Variants in LEPR observed in about 807,000 individuals in gnomAD.
LEPR encodes the protein leptin receptor, also known as OB receptor.
In LEPR, 56 loss-of-function variants were observed where a neutral mutation model predicts 114.7. The observed-to-expected ratio is 0.49, with a 90% CI of 0.39 to 0.61. The LOEUF (loss-of-function observed/expected upper bound fraction) is 0.61. Among genes scored for constraint, LEPR ranks in the 20% least tolerant of loss-of-function variants. The pLI is 0.00. For missense variants in LEPR, 1,202 were observed against 1,352.9 expected, an observed-to-expected ratio of 0.89 and a Z score of 1.75; for synonymous variants, 443 against 461.4, an observed-to-expected ratio of 0.96 and a Z score of 0.51.
intron 2 of LEPR, among the ~76,000 whole-genome samples, chr1:65,496,106 A>T (rs1384994744): frequency 1.3e-5 from 2 of 152,210 alleles, no homozygotes; most frequent in Non-Finnish European, 2.9e-5. Flanking sequence ...TATCACAATT[A>T]CCCTGATATG....
chr1:65,448,153 G>A lies in LEPR; in HGVS notation c.-21+22775G>A, dbSNP rs536469113. On this transcript the variant is annotated intron_variant, in intron 2 of 19. Transcript: ENST00000349533. ...ATCATTAAGTATGATGTTAGCTGCA[G>A]GTTTTTTGTAGACATTCTTTATGAA... 2.8e-4 allele frequency among the ~76,000 whole-genome samples: 43 copies of A among 152,196 alleles called. No individual in the cohort carries two copies. In the South Asian group the frequency reaches 3.7e-3, roughly 13 times the overall value.
intron 17 of LEPR, among the ~76,000 whole-genome samples, chr1:65,620,405 GAT>G (rs367972140): frequency 3.3e-5 from 5 of 152,148 alleles, no homozygotes; most frequent in African/African-American, 1.2e-4. Flanking sequence ...TTATCCAACA[GAT>G]ATTAATTGAG....
In LEPR at chr1:65,515,617, T is replaced by C. The variant is rs191513379; in HGVS notation, c.-20-49929T>C. The stretch of plus-strand genomic sequence containing the variant: ...TAAACTTTCTTGTTATTAGTATTTG[T>C]TTTTCTCAATTTATGGCTTGACAAT... On this transcript the variant is annotated intron_variant, in intron 2 of 19. Transcript: ENST00000349533. 2.0e-5 allele frequency among the ~76,000 whole-genome samples: 3 copies of C among 152,350 alleles called. No individual in the cohort carries two copies. The East Asian group carries it at 5.8e-4, about 29-fold the overall frequency.
chr1:65,433,074 C>A, intron 2 of LEPR: 1 of 985,346 alleles, frequency 1.0e-6, no homozygotes, highest in Non-Finnish European at 1.2e-6. Flanking sequence ...GGGCTCGAGC[C>A]AGCCCCTGCG....
intron 19 of LEPR, among the ~76,000 whole-genome samples, chr1:65,625,474 C>T (rs972203032): frequency 3.0e-4 from 45 of 152,172 alleles, no homozygotes; most frequent in African/African-American, 1.1e-3. Context: ...ATACATTTAT[C>T]ATGGAAATAG....
chr1:65,539,227 A>G (rs1651006093), intron 2 of LEPR, among the ~76,000 whole-genome samples: 2 of 148,866 alleles, frequency 1.3e-5, no homozygotes, highest in South Asian at 4.3e-4. Context: ...GTCTCTGCCA[A>G]TACTCATTAA....
At chr1:65,582,164 A>G (rs774412169) in intron 5 of LEPR, among the ~76,000 whole-genome samples, 1 of 152,226 alleles carries the variant, frequency 6.6e-6, no homozygotes, top group Non-Finnish European at 1.5e-5. Flanking sequence ...ATGTCATATA[A>G]TAAATTAACC....
chr1:65,551,319 A>C (rs1396679805), intron 2 of LEPR, among the ~76,000 whole-genome samples: 2 of 152,112 alleles, frequency 1.3e-5, no homozygotes, highest in African/African-American at 2.4e-5. Flanking sequence ...CCTCTGGTAG[A>C]ATTCGGCTGT....
intron 5 of LEPR, among the ~76,000 whole-genome samples, chr1:65,586,377 A>G (rs1298273616): frequency 1.3e-5 from 2 of 152,028 alleles, no homozygotes; most frequent in Non-Finnish European, 2.9e-5. Flanking sequence ...TCCTTTGCCC[A>G]TCAAATACCC....
chr1:65,476,301 C>T (rs1042894229), intron 2 of LEPR, among the ~76,000 whole-genome samples: 7 of 151,880 alleles, frequency 4.6e-5, no homozygotes, highest in African/African-American at 1.7e-4. Flanking sequence ...GAGGACACAT[C>T]TAAAATGAAC....
At chr1:65,620,447 T>C (rs1284342280) in intron 17 of LEPR, among the ~76,000 whole-genome samples, 1 of 152,222 alleles carries the variant, frequency 6.6e-6, no homozygotes, top group African/African-American at 2.4e-5. Flanking sequence ...GATTGAATAG[T>C]GAACATAAGT....
chr1:65,487,086 T>C (rs1438520209), intron 2 of LEPR, among the ~76,000 whole-genome samples: 2 of 152,190 alleles, frequency 1.3e-5, no homozygotes, highest in Non-Finnish European at 2.9e-5. Context: ...CCCAGATCTT[T>C]TCACACAAAC....
intron 2 of LEPR, among the ~76,000 whole-genome samples, chr1:65,507,074 C>G (rs1012035445): frequency 1.3e-5 from 2 of 151,778 alleles, no homozygotes; most frequent in African/African-American, 4.8e-5. Context: ...TTTTTGAGAC[C>G]AAGTCTTGCT....
intron 2 of LEPR, among the ~76,000 whole-genome samples, chr1:65,513,738 A>G (rs915987563): frequency 7.2e-5 from 11 of 152,246 alleles, no homozygotes; most frequent in African/African-American, 2.7e-4. Context: ...ATACTTCTCT[A>G]CAAAAACTTT....
At chr1:65,458,905 T>C (rs1646910861) in intron 2 of LEPR, among the ~76,000 whole-genome samples, 1 of 152,240 alleles carries the variant, frequency 6.6e-6, no homozygotes, top group African/African-American at 2.4e-5. Context: ...CTTTGCAATT[T>C]GGCAGTTTCT....
intron 2 of LEPR, among the ~76,000 whole-genome samples, chr1:65,478,647 T>TAAAAAC (rs1215978431): frequency 6.6e-6 from 1 of 152,090 alleles, no homozygotes; most frequent in Non-Finnish European, 1.5e-5. Flanking sequence ...TTCAGCTCAC[T>TAAAAAC]AAAAACAAAA....
intron 2 of LEPR, among the ~76,000 whole-genome samples, chr1:65,552,683 T>C (rs1652492544): frequency 6.6e-6 from 1 of 152,224 alleles, no homozygotes; most frequent in African/African-American, 2.4e-5. Flanking sequence ...TGGCAGTCTG[T>C]GTCTTTTAAT....
intron 2 of LEPR, among the ~76,000 whole-genome samples, chr1:65,483,145 A>C (rs538457980): frequency 1.3e-4 from 20 of 152,254 alleles, no homozygotes; most frequent in African/African-American, 4.6e-4. Flanking sequence ...TCTGTTCATC[A>C]GGAGACACTG....
intron 2 of LEPR, among the ~76,000 whole-genome samples, chr1:65,564,523 C>T (rs1403835777): frequency 3.3e-5 from 5 of 151,160 alleles, no homozygotes; most frequent in Admixed American, 3.3e-4. Flanking sequence ...CTGCGTTGCT[C>T]ATGCTGGGAG....
Sources: allele counts gnomAD v4.1 joint callset (sites outside exome capture counted in the v4.1 genomes callset), GRCh38; gene constraint gnomAD v4.1.1; transcripts MANE v1.5; gene names NCBI Gene and HGNC (gene_info 2026-07-23, HGNC 2026-07-21).